The following VAV3 variants were observed in gnomAD, a reference collection of about 807,000 sequenced individuals.
The protein encoded by VAV3 is vav guanine nucleotide exchange factor 3.
A neutral mutation model predicts 131.2 loss-of-function variants in VAV3; 94 were observed. The observed-to-expected ratio is 0.72, with a 90% CI of 0.61 to 0.85. The LOEUF (loss-of-function observed/expected upper bound fraction) is 0.85, where lower values mean the gene tolerates loss of function less well. Among genes scored for constraint, VAV3 ranks in the 40% least tolerant of loss-of-function variants. VAV3 has a pLI of 0.00. For missense variants in VAV3, 939 were observed against 1,002.7 expected (o/e 0.94, Z 0.86); for synonymous variants, 349 against 342.0 (o/e 1.02, Z -0.22).
At chr1:107,875,541 C>T (rs1046717457) in intron 1 of VAV3, among the ~76,000 whole-genome samples, 4 of 151,852 alleles carry the variant, frequency 2.6e-5, no homozygotes, top group Non-Finnish European at 4.4e-5. Flanking sequence ...GGCCTCTGAG[C>T]GTGTCTGAGA....
Position 107,944,852 on chromosome 1 carries a change from C to G in VAV3, c.204+19814G>C, listed in dbSNP as rs9787164. 3.6e-4 allele frequency among the ~76,000 whole-genome samples: 55 copies of G among 152,310 alleles called. No individual in the cohort carries two copies. In the East Asian group the frequency reaches 0.01, roughly 28 times the overall value. On this transcript the variant is annotated intron_variant, in intron 1 of 26. Coordinates refer to ENST00000370056, the MANE Select transcript of VAV3 (RefSeq NM_006113.5). ...AACTCCTGAGCTCTGGCAATCCGCC[C>G]GCCTCGGCCTCCCAAAGTGCTAGGA...
chr1:107,878,365 G>A (rs1432188642), intron 1 of VAV3, among the ~76,000 whole-genome samples: 2 of 151,990 alleles, frequency 1.3e-5, no homozygotes, highest in Non-Finnish European at 2.9e-5. Flanking sequence ...TTTAGTACTA[G>A]GATCCAGTCA....
intron 9 of VAV3, 34 bp from the exon 10 acceptor site, chr1:107,760,913 A>G: frequency 6.6e-7 from 1 of 1,510,814 alleles, no homozygotes; most frequent in Non-Finnish European, 9.2e-7. Context: ...TTTGTTAGGG[A>G]GTCATAAACA....
At chr1:107,598,033 T>A (rs1221217758) in intron 24 of VAV3, among the ~76,000 whole-genome samples, 1 of 152,126 alleles carries the variant, frequency 6.6e-6, no homozygotes, top group African/African-American at 2.4e-5. Flanking sequence ...ATCATACTAT[T>A]AGCAAATAGT....
intron 2 of VAV3, among the ~76,000 whole-genome samples, chr1:107,831,703 C>T (rs1156965686): frequency 6.6e-6 from 1 of 152,216 alleles, no homozygotes; most frequent in Non-Finnish European, 1.5e-5. Flanking sequence ...TTGTTCAGAG[C>T]AGAGCTTATG....
intron 15 of VAV3, among the ~76,000 whole-genome samples, chr1:107,714,312 A>G (rs1001129599): frequency 6.6e-6 from 1 of 152,130 alleles, no homozygotes; most frequent in Non-Finnish European, 1.5e-5. Flanking sequence ...GAACATCAGA[A>G]TAGTCTATCC....
At chr1:107,777,097 C>A in intron 4 of VAV3, 134 bp downstream of exon 4, 1 of 762,498 alleles carries the variant, frequency 1.3e-6, no homozygotes, top group Non-Finnish European at 2.2e-6. Context: ...AGCTTTCCAT[C>A]GCCAGTTTAA....
At chr1:107,702,791 C>T (rs916657638) in intron 17 of VAV3, among the ~76,000 whole-genome samples, 4 of 107,506 alleles carry the variant, frequency 3.7e-5, no homozygotes, top group Admixed American at 1.8e-4. Context: ...AAGCCCACGT[C>T]TTTCAAAAAA....
At chr1:107,784,141 C>A (rs1246268968) in intron 2 of VAV3, among the ~76,000 whole-genome samples, 1 of 151,784 alleles carries the variant, frequency 6.6e-6, no homozygotes, top group Non-Finnish European at 1.5e-5. Context: ...TAAAAGATGC[C>A]CTTCACACCT....
At chr1:107,896,508 G>T (rs1671586235) in intron 1 of VAV3, among the ~76,000 whole-genome samples, 1 of 152,076 alleles carries the variant, frequency 6.6e-6, no homozygotes, top group African/African-American at 2.4e-5. Flanking sequence ...CTTATATAAA[G>T]ACTTTAAGGT....
chr1:107,752,019 T>C (rs78713470), intron 12 of VAV3, among the ~76,000 whole-genome samples: 2,038 of 152,286 alleles, frequency 0.013, 28 homozygotes, highest in East Asian at 0.046. Context: ...TCTCAAGGGA[T>C]TCTGAATAGT....
chr1:107,810,979 T>C (rs1667289657), intron 2 of VAV3, among the ~76,000 whole-genome samples: 1 of 152,030 alleles, frequency 6.6e-6, no homozygotes, highest in South Asian at 2.1e-4. Context: ...AATAACAGAC[T>C]AGAAGATACT....
intron 9 of VAV3, among the ~76,000 whole-genome samples, chr1:107,763,519 T>A (rs981962010): frequency 1.3e-5 from 2 of 152,182 alleles, no homozygotes; most frequent in African/African-American, 4.8e-5. Flanking sequence ...GGTGTATAAG[T>A]TGTAAAATTT....
At chr1:107,830,459 G>A (rs1557871197) in intron 2 of VAV3, among the ~76,000 whole-genome samples, 1 of 151,992 alleles carries the variant, frequency 6.6e-6, no homozygotes, top group East Asian at 1.9e-4. Context: ...GGTTCCAGGT[G>A]GGGGAGAACA....
chr1:107,746,098 C>T lies in VAV3; in HGVS notation c.1502+2870G>A, dbSNP rs114804912. ...TAAGCAGCAAAATTTGAACCATAGG[C>T]AAAATCAAACTTCAGGATTTACCTA... On this transcript the variant is annotated intron_variant, in intron 15 of 26. Coordinates refer to ENST00000370056, the MANE Select transcript of VAV3 (RefSeq NM_006113.5). Among the ~76,000 whole-genome samples, 671 of 152,266 alleles carry T rather than the reference C, an allele frequency of 4.4e-3. 3 individuals are homozygous for T. The highest frequency in any genetic ancestry group is 7.4e-3 in the Non-Finnish European group (506 of 68,020).
chr1:107,678,019 A>G (rs1658333886), intron 19 of VAV3: 1 of 152,208 alleles, frequency 6.6e-6, no homozygotes, highest in Non-Finnish European at 1.5e-5. Flanking sequence ...TATCACGGAA[A>G]AGGGAATCAG....
At chr1:107,632,060 T>C (rs1014223609) in intron 20 of VAV3, among the ~76,000 whole-genome samples, 2 of 152,196 alleles carry the variant, frequency 1.3e-5, no homozygotes, top group Admixed American at 6.5e-5. Flanking sequence ...CACACTGACT[T>C]CCACAATGGT....
In VAV3 at chr1:107,573,092, C is replaced by G. The variant is rs1451421854; in HGVS notation, c.*239G>C. On this transcript the variant is annotated 3_prime_UTR_variant, in exon 27 of 27. Transcript: ENST00000370056. ...AACAGCTCTTGGTTTTGCCCTGGTC[C>G]CTGACAATGACAGACTGGCAGGCTG... 51 of 480,686 alleles carry G rather than the reference C, an allele frequency of 1.1e-4. 1 individual carries two copies. Among genetic ancestry groups the G allele is most frequent in the Non-Finnish European group, 1.8e-4 (50 of 276,574 alleles). 29.8% of individuals were successfully genotyped at this position (480,686 alleles called of 1,614,324 possible).
At chr1:107,833,353 G>A (rs1215824636) in intron 2 of VAV3, among the ~76,000 whole-genome samples, 2 of 152,328 alleles carry the variant, frequency 1.3e-5, no homozygotes, top group African/African-American at 2.4e-5. Flanking sequence ...TGTGAAGGCT[G>A]AGAAAGGTGA....
Sources: gnomAD v4.1 joint callset for allele counts (sites outside exome capture counted in the v4.1 genomes callset) on GRCh38, gnomAD v4.1.1 for gene constraint, MANE v1.5 for transcripts, NCBI Gene and HGNC (gene_info 2026-07-23, HGNC 2026-07-21) for gene names.